Variants in PDE4B observed in about 807,000 individuals in gnomAD.
PDE4B encodes the protein 3',5'-cyclic-AMP phosphodiesterase 4B.
A neutral mutation model predicts 82.2 loss-of-function variants in PDE4B; 20 were observed. The ratio of observed to expected loss-of-function variants is 0.24; its 90% confidence interval spans 0.17 to 0.35. The LOEUF is 0.35. PDE4B is among the 10% of genes least tolerant of loss of function. PDE4B has a pLI of 1.00. For synonymous variants in PDE4B, 320 were observed against 318.9 expected (o/e 1.00, Z -0.04); for missense variants, 655 against 907.2 (o/e 0.72, Z 3.57).
intron 3 of PDE4B, among the ~76,000 whole-genome samples, chr1:65,931,479 T>C (rs1647829411): frequency 6.6e-6 from 1 of 152,072 alleles, no homozygotes; most frequent in Non-Finnish European, 1.5e-5. Context: ...GAAATAATAA[T>C]CAATATAACA....
intron 3 of PDE4B, among the ~76,000 whole-genome samples, chr1:66,049,785 C>A (rs1654915556): frequency 6.6e-6 from 1 of 151,802 alleles, no homozygotes; most frequent in East Asian, 1.9e-4. Context: ...CCAGTAATGC[C>A]AAGAACTTAA....
At chr1:66,081,078 T>C (rs1570172866) in intron 3 of PDE4B, among the ~76,000 whole-genome samples, 1 of 152,256 alleles carries the variant, frequency 6.6e-6, no homozygotes, top group South Asian at 2.1e-4. Context: ...CCATTTTTTG[T>C]GGTCTGACTT....
chr1:65,887,713 C>T lies in PDE4B; in HGVS notation c.-70-25532C>T, dbSNP rs1450153576. Reference sequence around the variant, plus strand: ...GATTACAGGCATGAGCCACCATGCCCAGCCCAGCACTTATTTTCATATACC... The same window carrying T: ...GATTACAGGCATGAGCCACCATGCCTAGCCCAGCACTTATTTTCATATACC... On this transcript the variant is annotated intron_variant, in intron 1 of 16. Coordinates refer to ENST00000341517, the MANE Select transcript of PDE4B (RefSeq NM_002600.4). Among the ~76,000 whole-genome samples, 4 of 151,898 alleles carry T rather than the reference C, an allele frequency of 2.6e-5. No individual in the cohort carries two copies. The East Asian group carries it at 5.8e-4, about 22-fold the overall frequency.
chr1:66,145,988 C>A (rs1456394403), intron 3 of PDE4B, among the ~76,000 whole-genome samples: 2 of 152,122 alleles, frequency 1.3e-5, no homozygotes, highest in Non-Finnish European at 2.9e-5. Flanking sequence ...TGCTTCGCTT[C>A]ACAAAAGTCA....
At chr1:66,254,331 G>T (rs138101529) in intron 4 of PDE4B, among the ~76,000 whole-genome samples, 11 of 152,264 alleles carry the variant, frequency 7.2e-5, no homozygotes, top group African/African-American at 2.6e-4. Flanking sequence ...TGGGAAAAAA[G>T]GTTGGAAAGG....
intron 1 of PDE4B, among the ~76,000 whole-genome samples, chr1:65,833,676 T>C (rs1299790295): frequency 1.3e-5 from 2 of 152,220 alleles, no homozygotes; most frequent in Non-Finnish European, 2.9e-5. Context: ...TATTATTCTT[T>C]ATCTCTTTCT....
rs993149209 is a variant in PDE4B at position 66,061,684 on chromosome 1, G to A, written c.281+142849G>A. ...AAAGGAAATCATGAGCTTTGTGTTA[G>A]CAAAAGGGAGAGATTTTCAGTATTC... On this transcript the variant is annotated intron_variant, in intron 3 of 16. Transcript: ENST00000341517. 1.8e-4 allele frequency among the ~76,000 whole-genome samples: 28 copies of A among 152,048 alleles called. 1 individual carries two copies. The highest frequency in any genetic ancestry group is 1.0e-4 in the Non-Finnish European group (7 of 68,002).
At chr1:66,368,268 G>A (rs1419660180) in intron 15 of PDE4B, 1 of 539,616 alleles carries the variant, frequency 1.9e-6, no homozygotes, top group Non-Finnish European at 3.2e-6. Context: ...ATCTCTATTT[G>A]TGGAACTGCT....
intron 3 of PDE4B, among the ~76,000 whole-genome samples, chr1:66,241,736 T>C (rs896684510): frequency 6.6e-6 from 1 of 152,008 alleles, no homozygotes; most frequent in African/African-American, 2.4e-5. Flanking sequence ...ACACACACAC[T>C]CTATACAGAA....
At chr1:65,891,537 C>T (rs532558342) in intron 1 of PDE4B, among the ~76,000 whole-genome samples, 15 of 152,124 alleles carry the variant, frequency 9.9e-5, no homozygotes, top group African/African-American at 3.4e-4. Context: ...AGAACTTAGA[C>T]TATCACATGT....
chr1:66,110,520 A>G (rs1338692296), intron 3 of PDE4B, among the ~76,000 whole-genome samples: 3 of 152,104 alleles, frequency 2.0e-5, no homozygotes, highest in South Asian at 2.1e-4. Context: ...GTCCTGGCAC[A>G]TAGTAAATAC....
intron 3 of PDE4B, among the ~76,000 whole-genome samples, chr1:66,219,510 A>T (rs577403893): frequency 6.6e-6 from 1 of 152,142 alleles, no homozygotes; most frequent in African/African-American, 2.4e-5. Context: ...TCATGGGAAA[A>T]GTTGAAATCC....
At chr1:66,291,210 G>T (rs141381490) in intron 7 of PDE4B, among the ~76,000 whole-genome samples, 1 of 152,246 alleles carries the variant, frequency 6.6e-6, no homozygotes, top group African/African-American at 2.4e-5. Context: ...AAACAAACCA[G>T]TGAGATAGGA....
intron 3 of PDE4B, among the ~76,000 whole-genome samples, chr1:65,983,757 T>C (rs1188642822): frequency 6.9e-6 from 1 of 145,794 alleles, no homozygotes; most frequent in African/African-American, 2.5e-5. Context: ...AATACATTTC[T>C]GTTATTTAAA....
At chr1:66,125,965 C>T (rs1388494916) in intron 3 of PDE4B, among the ~76,000 whole-genome samples, 1 of 152,168 alleles carries the variant, frequency 6.6e-6, no homozygotes, top group Non-Finnish European at 1.5e-5. Flanking sequence ...CACCACCACA[C>T]TAGGTTAATT....
chr1:65,990,688 A>G (rs1651196258), intron 3 of PDE4B, among the ~76,000 whole-genome samples: 1 of 152,168 alleles, frequency 6.6e-6, no homozygotes, highest in Non-Finnish European at 1.5e-5. Flanking sequence ...TGAATTAAAG[A>G]TCATTCCATT....
intron 7 of PDE4B, among the ~76,000 whole-genome samples, chr1:66,311,065 T>C (rs769445308): frequency 6.6e-6 from 1 of 152,166 alleles, no homozygotes; most frequent in Non-Finnish European, 1.5e-5. Context: ...TCTTGAACGG[T>C]GTTGTCTGGT....
At chr1:65,857,548 G>T (rs1236417285) in intron 1 of PDE4B, among the ~76,000 whole-genome samples, 2 of 152,216 alleles carry the variant, frequency 1.3e-5, no homozygotes, top group African/African-American at 2.4e-5. Context: ...CAAACCAGGT[G>T]CAGTGGTGTG....
chr1:65,912,235 T>C (rs1337305756), intron 1 of PDE4B, among the ~76,000 whole-genome samples: 1 of 152,212 alleles, frequency 6.6e-6, no homozygotes, highest in Non-Finnish European at 1.5e-5. Context: ...GACAACTTTA[T>C]ATTTTAAAAA....
Sources: gnomAD v4.1 joint callset for allele counts (sites outside exome capture counted in the v4.1 genomes callset) on GRCh38, gnomAD v4.1.1 for gene constraint, MANE v1.5 for transcripts, NCBI Gene and HGNC (gene_info 2026-07-23, HGNC 2026-07-21) for gene names.